The following ABLIM2 variants were observed in gnomAD, a reference collection of about 807,000 sequenced individuals.
The protein encoded by ABLIM2 is actin-binding LIM protein 2.
Under a neutral mutation model 97.7 loss-of-function variants are expected in ABLIM2, and 53 were observed. That is an observed-to-expected ratio of 0.54 (90% CI 0.44 to 0.68). The LOEUF (loss-of-function observed/expected upper bound fraction) is 0.68. ABLIM2 is among the 30% of genes least tolerant of loss of function. The pLI is 0.00. For synonymous variants in ABLIM2, 361 were observed against 345.8 expected (o/e 1.04, Z -0.49); for missense variants, 835 against 867.2 (o/e 0.96, Z 0.47).
At chr4:7,968,251 G>C (rs1724605354) in intron 20 of ABLIM2, among the ~76,000 whole-genome samples, 1 of 152,250 alleles carries the variant, frequency 6.6e-6, no homozygotes, top group Non-Finnish European at 1.5e-5. Context: ...TGGCTTCAGT[G>C]CAGCTCTGTG....
Position 8,001,090 on chromosome 4 carries a change from C to G in ABLIM2, c.1618+6969G>C, listed in dbSNP as rs1450614401. ...GCTGTGGCACTGCACAGGTTCGGGT[C>G]CCCTCTCTGAGCCTTGGTGTGTCCA... On this transcript the variant is annotated intron_variant, in intron 16 of 20. Transcript: ENST00000447017. This position sits in a 1 kb window ranked among gnomAD's most constrained non-coding sequence, Gnocchi z 4.2. Among the ~76,000 whole-genome samples, 1 of 152,184 alleles carries G rather than the reference C, an allele frequency of 6.6e-6. No individual in the cohort carries two copies. The highest frequency in any genetic ancestry group is 6.5e-5 in the Admixed American group (1 of 15,286).
intron 1 of ABLIM2, among the ~76,000 whole-genome samples, chr4:8,116,154 C>T (rs78382230): frequency 0.02 from 2,990 of 152,324 alleles, 102 homozygotes; most frequent in African/African-American, 0.067. Context: ...GGCAGCCCCT[C>T]CCAACCCGTG....
intron 8 of ABLIM2, among the ~76,000 whole-genome samples, chr4:8,053,367 G>A (rs1797195584): frequency 6.6e-6 from 1 of 152,222 alleles, no homozygotes; most frequent in African/African-American, 2.4e-5. Context: ...TGCCTAAAAT[G>A]TATAAAACCA....
At chr4:8,079,424 T>C (rs1430619455) in intron 5 of ABLIM2, among the ~76,000 whole-genome samples, 2 of 152,178 alleles carry the variant, frequency 1.3e-5, no homozygotes, top group African/African-American at 4.8e-5. Flanking sequence ...CATTTTCATT[T>C]TATATTAAAG....
intron 3 of ABLIM2, among the ~76,000 whole-genome samples, chr4:8,094,928 C>T (rs1830630956): frequency 6.7e-6 from 1 of 149,698 alleles, no homozygotes; most frequent in Non-Finnish European, 1.5e-5. Flanking sequence ...TCCCTCCCTC[C>T]CTCCCTTTCT....
chr4:8,066,331 A>G (rs1158463069), intron 6 of ABLIM2, among the ~76,000 whole-genome samples: 2 of 136,032 alleles, frequency 1.5e-5, no homozygotes, highest in Non-Finnish European at 3.2e-5. Flanking sequence ...AGAAAAAAGA[A>G]AGGAGGGAGG....
chr4:8,093,730 T>C (rs541129910), intron 3 of ABLIM2, among the ~76,000 whole-genome samples: 2 of 152,348 alleles, frequency 1.3e-5, no homozygotes, highest in African/African-American at 2.4e-5. Flanking sequence ...TCTGGAGTCA[T>C]ACATTTGTTC....
Position 8,005,410 on chromosome 4 carries a change from G to A in ABLIM2, c.1618+2649C>T, listed in dbSNP as rs373864145. ...TGTCACAATCCTACCTTCCTTGGGC[G>A]CGCTACAGATGGACGTCCCGGGGTG... On this transcript the variant is annotated intron_variant, in intron 16 of 20. Transcript: ENST00000447017. The surrounding 1 kb of genome is among the most constrained non-coding windows in gnomAD (Gnocchi z 4.9). The A allele has an allele frequency of 2.1e-5, 11 of 533,526 alleles. No homozygotes were observed. Among genetic ancestry groups the A allele is most frequent in the African/African-American group, 9.6e-5 (5 of 51,944 alleles). The allele number at this position is 533,526 out of a possible 1,614,324, so 33.0% of individuals were successfully genotyped here.
In ABLIM2 at chr4:8,083,241, G is replaced by A. The variant is rs1460636482; in HGVS notation, c.455-2439C>T. Among the ~76,000 whole-genome samples the A allele has an allele frequency of 6.6e-6, 1 of 152,186 alleles. No homozygotes were observed. The highest frequency in any genetic ancestry group is 1.5e-5 in the Non-Finnish European group (1 of 68,036). ...AGCAGACAGCAGCGGTCAGATCCCA[G>A]CAATGCCCCCCACCGGCTGTGACCT... On this transcript the variant is annotated intron_variant, in intron 4 of 20. Transcript: ENST00000447017. This position sits in a 1 kb window ranked among gnomAD's most constrained non-coding sequence, Gnocchi z 4.6.
chr4:8,018,754 A>T (rs564609543), intron 14 of ABLIM2, among the ~76,000 whole-genome samples: 22 of 152,240 alleles, frequency 1.4e-4, no homozygotes, highest in Non-Finnish European at 2.6e-4. Flanking sequence ...GTACATCTGG[A>T]CAAGAACGTT....
At chr4:8,109,924 C>G (rs996844884) in intron 1 of ABLIM2, among the ~76,000 whole-genome samples, 2 of 152,230 alleles carry the variant, frequency 1.3e-5, no homozygotes, top group Non-Finnish European at 2.9e-5. Flanking sequence ...GCTTGTCCCA[C>G]GCGCCTTTTG....
rs998701362 is a variant in ABLIM2, at chr4:8,125,092, G to C, written c.11-18455C>G. Among the ~76,000 whole-genome samples the C allele has an allele frequency of 3.3e-5, 5 of 152,136 alleles. No homozygotes were observed. Among genetic ancestry groups the C allele is most frequent in the African/African-American group, 9.7e-5 (4 of 41,406 alleles). ...TTGTCTTGATAGGATTGAGGGATGAGAGTTATTCGTATATTCGAGATACAA... is the reference window on the plus strand; with the variant it reads ...TTGTCTTGATAGGATTGAGGGATGACAGTTATTCGTATATTCGAGATACAA... On this transcript the variant is annotated intron_variant, in intron 1 of 20. Coordinates refer to ENST00000447017, the MANE Select transcript of ABLIM2 (RefSeq NM_001130083.2). The surrounding 1 kb of genome is among the most constrained non-coding windows in gnomAD (Gnocchi z 6.2).
intron 14 of ABLIM2, among the ~76,000 whole-genome samples, chr4:8,012,310 CCCATCCAT>C (rs1243716156): frequency 1.3e-5 from 2 of 149,542 alleles, no homozygotes; most frequent in African/African-American, 2.5e-5. Context: ...CCATCCTTCA[CCCATCCAT>C]CCATCCATCC....
At chr4:8,093,744 T>A (rs1171353451) in intron 3 of ABLIM2, among the ~76,000 whole-genome samples, 1 of 152,226 alleles carries the variant, frequency 6.6e-6, no homozygotes. Context: ...TTTGTTCCTC[T>A]GTAAATAATT....
intron 14 of ABLIM2, 108 bp from the exon 15 acceptor site, chr4:8,009,210 GAGA>G: frequency 7.2e-7 from 1 of 1,380,764 alleles, no homozygotes; most frequent in Non-Finnish European, 1.0e-6. Context: ...ATCAATCAAA[GAGA>G]AGGTCAGTAG....
In ABLIM2 at chr4:8,011,180, G is replaced by A. The variant is rs368438208; in HGVS notation, c.1424-2078C>T. ...GGCTTCAGGGACTTTCCTTGGCCAT[G>A]GAAGATGGGTTGACTGACACATTCT... is the stretch of plus-strand genomic sequence containing the variant. On this transcript the variant is annotated intron_variant, in intron 14 of 20. Coordinates refer to ENST00000447017, the MANE Select transcript of ABLIM2 (RefSeq NM_001130083.2). Among the ~76,000 whole-genome samples, 3 of 152,222 alleles carry A rather than the reference G, an allele frequency of 2.0e-5. No homozygotes were observed. In the East Asian group the frequency reaches 5.8e-4, roughly 29 times the overall value.
chr4:8,129,353 A>T (rs1027052933), intron 1 of ABLIM2, among the ~76,000 whole-genome samples: 1 of 152,166 alleles, frequency 6.6e-6, no homozygotes, highest in African/African-American at 2.4e-5. Flanking sequence ...CCACCTGCAC[A>T]CCCAGCTCAG....
Position 8,122,988 on chromosome 4 carries a change from G to A in ABLIM2, c.11-16351C>T, listed in dbSNP as rs1221571558. ...AGTGTGGGACGTCTTCCCGGAGGTC[G>A]TGCCTGCCTCCCCTGGCGTTCCCAC... On this transcript the variant is annotated intron_variant, in intron 1 of 20. Transcript: ENST00000447017. This position sits in a 1 kb window ranked among gnomAD's most constrained non-coding sequence, Gnocchi z 4.1. 1.3e-5 allele frequency among the ~76,000 whole-genome samples: 2 copies of A among 152,096 alleles called. No individual in the cohort carries two copies. Among genetic ancestry groups the A allele is most frequent in the East Asian group, 1.9e-4 (1 of 5,172 alleles).
intron 14 of ABLIM2, among the ~76,000 whole-genome samples, chr4:8,014,486 G>A (rs1767370789): frequency 6.6e-6 from 1 of 151,696 alleles, no homozygotes; most frequent in Admixed American, 6.6e-5. Flanking sequence ...GGGAGAGAAT[G>A]TGTGTGTGTG....
Sources: gnomAD v4.1 joint callset for allele counts (sites outside exome capture counted in the v4.1 genomes callset) on GRCh38, gnomAD v4.1.1 for gene constraint, Gnocchi (gnomAD v3.1) non-coding constraint, MANE v1.5 for transcripts, NCBI Gene and HGNC (gene_info 2026-07-23, HGNC 2026-07-21) for gene names.